Variants in SRL observed in about 807,000 individuals in gnomAD.
The protein encoded by SRL is sarcalumenin.
Under a neutral mutation model 39.5 loss-of-function variants are expected in SRL, and 23 were observed. That is an observed-to-expected ratio of 0.58 (90% CI 0.42 to 0.82). SRL has a LOEUF of 0.82. Among genes scored for constraint, SRL ranks in the 40% least tolerant of loss-of-function variants. The pLI, the probability that SRL is intolerant of heterozygous loss-of-function variation, is 0.00. For synonymous variants in SRL, 272 were observed against 237.4 expected (o/e 1.15, Z -1.34); for missense variants, 592 against 607.8 (o/e 0.97, Z 0.27).
intron 1 of SRL, among the ~76,000 whole-genome samples, chr16:4,209,422 C>T (rs1196415747): frequency 6.6e-6 from 1 of 152,186 alleles, no homozygotes; most frequent in Non-Finnish European, 1.5e-5. Flanking sequence ...GAGGCAGCCT[C>T]TGTTCTTCCT....
At chr16:4,228,604 G>A (rs564682626) in intron 1 of SRL, among the ~76,000 whole-genome samples, 111 of 151,852 alleles carry the variant, frequency 7.3e-4, no homozygotes, top group South Asian at 1.5e-3. Flanking sequence ...GCGTGGTGGC[G>A]GGCACCTGTA....
rs147849554 is a variant in SRL, at chr16:4,225,148, T to C, written c.61+16859A>G. On this transcript the variant is annotated intron_variant, in intron 1 of 5. Coordinates refer to ENST00000399609, the MANE Select transcript of SRL (RefSeq NM_001098814.2). ...GTGCTAAAGGGCCCAGAGCTTCTTTTTGAGGTGATAAAAAATGTTCTAAAA... is the reference window on the plus strand; with the variant it reads ...GTGCTAAAGGGCCCAGAGCTTCTTTCTGAGGTGATAAAAAATGTTCTAAAA... Among the ~76,000 whole-genome samples the C allele has an allele frequency of 1.8e-3, 237 of 130,842 alleles. 2 individuals carry two copies. Among genetic ancestry groups the C allele is most frequent in the African/African-American group, 6.2e-3 (224 of 35,914 alleles). 85.8% of individuals were successfully genotyped at this position (130,842 alleles called of 152,430 possible).
chr16:4,192,001 C>A lies in SRL; in HGVS notation c.*152G>T. 1.2e-6 allele frequency: 1 copy of A among 816,142 alleles called. No individual in the cohort carries two copies. Among genetic ancestry groups the A allele is most frequent in the Non-Finnish European group, 1.9e-6 (1 of 517,596 alleles). 50.6% of individuals were successfully genotyped at this position (816,142 alleles called of 1,614,324 possible). ...CCACTCTCCTCCCTAGACCCACACA[C>A]CTGCCCCGACCCCTGGCCTCAATGA... On this transcript the variant is annotated 3_prime_UTR_variant, in exon 6 of 6. Transcript: ENST00000399609. This position sits in a 1 kb window ranked among gnomAD's most constrained non-coding sequence, Gnocchi z 4.0.
chr16:4,215,237 G>A (rs546482361), intron 1 of SRL, among the ~76,000 whole-genome samples: 1 of 152,184 alleles, frequency 6.6e-6, no homozygotes, highest in Non-Finnish European at 1.5e-5. Flanking sequence ...CAACATGGGC[G>A]ACCAGAGTGC....
Position 4,214,860 on chromosome 16 carries a change from T to G in SRL, c.62-10226A>C, listed in dbSNP as rs532057042. Among the ~76,000 whole-genome samples, 3 of 152,040 alleles carry G rather than the reference T, an allele frequency of 2.0e-5. No individual in the cohort carries two copies. The East Asian group carries it at 5.8e-4, about 29-fold the overall frequency. Reference sequence around the variant, plus strand: ...TTGGCTCACTGCAACCTCTGCCTCCTGGGTTCAAGCGATTCTCCTGCCTCA... The same window carrying G: ...TTGGCTCACTGCAACCTCTGCCTCCGGGGTTCAAGCGATTCTCCTGCCTCA... On this transcript the variant is annotated intron_variant, in intron 1 of 5. Coordinates refer to ENST00000399609, the MANE Select transcript of SRL (RefSeq NM_001098814.2).
chr16:4,225,571 G>A (rs1418082699), intron 1 of SRL, among the ~76,000 whole-genome samples: 1 of 152,160 alleles, frequency 6.6e-6, no homozygotes, highest in East Asian at 1.9e-4. Flanking sequence ...GTGACAGAGT[G>A]AGACCCTGTC....
At chr16:4,221,087 C>T (rs1028248171) in intron 1 of SRL, among the ~76,000 whole-genome samples, 8 of 151,232 alleles carry the variant, frequency 5.3e-5, no homozygotes, top group African/African-American at 1.9e-4. Context: ...CTCACTTTGT[C>T]GCTCAGGCTG....
In SRL at chr16:4,203,182, C is replaced by T. The variant is rs547917688; in HGVS notation, c.243G>A (p.Arg81=). ...AAGCCCTACCTGTGATCTCATGCTG[C>T]CGGAGCTCATTGTACTTGTAGGACT... ...LEQSYKYNEL[R]QHEITDGEIT... Residue 81 remains arginine, a synonymous_variant, in exon 3 of 6, where the codon CGG becomes CGA. Transcript: ENST00000399609. 1.9e-4 allele frequency: 313 copies of T among 1,614,148 alleles called. 1 individual carries two copies. In the South Asian group the frequency reaches 2.5e-3, roughly 13 times the overall value.
intron 1 of SRL, among the ~76,000 whole-genome samples, chr16:4,231,320 A>G (rs2052658077): frequency 1.3e-5 from 2 of 152,190 alleles, no homozygotes; most frequent in Admixed American, 1.3e-4. Context: ...TGTCTCAAAA[A>G]AAACAATTGC....
intron 1 of SRL, among the ~76,000 whole-genome samples, chr16:4,215,015 G>A (rs111330577): frequency 0.031 from 4,740 of 152,112 alleles, 209 homozygotes; most frequent in African/African-American, 0.1. Flanking sequence ...TGATCCACCC[G>A]CCTCAGCCTC....
intron 1 of SRL, among the ~76,000 whole-genome samples, chr16:4,216,782 G>A (rs1190069525): frequency 1.3e-5 from 2 of 152,160 alleles, no homozygotes; most frequent in East Asian, 1.9e-4. Flanking sequence ...AAAGGGAAAG[G>A]AAGGGGAAAG....
chr16:4,215,619 G>A (rs1247663929), intron 1 of SRL, among the ~76,000 whole-genome samples: 1 of 152,194 alleles, frequency 6.6e-6, no homozygotes. Context: ...CAGTGGGCCA[G>A]CCAATAAGAG....
At position 4,197,906 on chromosome 16, in the gene SRL, A is replaced by G. The variant is rs1186286397; in HGVS notation, c.269T>C (p.Ile90Thr). Residue 90 changes from isoleucine to threonine, a missense_variant, in exon 4 of 6, where the codon ATT (isoleucine) becomes ACT (threonine). Transcript: ENST00000399609. ...LRQHEITDGE[I>T]TSKPMVLFLG... Reference sequence around the variant, plus strand: ...GAACAGTACCATGGGCTTGGAGGTAATCTCTCCATCTGTGGGCAACAGGAA... The same window carrying G: ...GAACAGTACCATGGGCTTGGAGGTAGTCTCTCCATCTGTGGGCAACAGGAA... The G allele has an allele frequency of 6.2e-7, 1 of 1,609,796 alleles. No homozygotes were observed. The highest frequency in any genetic ancestry group is 8.5e-7 in the Non-Finnish European group (1 of 1,176,028).
chr16:4,216,660 C>G (rs1340590995), intron 1 of SRL, among the ~76,000 whole-genome samples: 1 of 152,202 alleles, frequency 6.6e-6, no homozygotes, highest in Non-Finnish European at 1.5e-5. Flanking sequence ...AGCAGGGATA[C>G]TCTATAGAGC....
chr16:4,207,612 T>G (rs556812490), intron 1 of SRL: 108 of 444,394 alleles, frequency 2.4e-4, no homozygotes, highest in South Asian at 1.7e-3. Flanking sequence ...CTCCTGGACT[T>G]CCTCGGGGAG....
At chr16:4,214,470 C>T (rs113534358) in intron 1 of SRL, among the ~76,000 whole-genome samples, 3 of 152,340 alleles carry the variant, frequency 2.0e-5, no homozygotes, top group African/African-American at 7.2e-5. Context: ...GTTCATCTGT[C>T]CCAGAGAGTG....
chr16:4,199,693 CTTTTTTT>C (rs35631556), intron 3 of SRL, among the ~76,000 whole-genome samples: 1 of 96,424 alleles, frequency 1.0e-5, no homozygotes, highest in Non-Finnish European at 2.0e-5. Flanking sequence ...TTTTCTTTTC[CTTTTTTT>C]TTTTTTTTTT....
intron 2 of SRL, among the ~76,000 whole-genome samples, chr16:4,204,141 C>T (rs2052278615): frequency 6.6e-6 from 1 of 152,238 alleles, no homozygotes; most frequent in Non-Finnish European, 1.5e-5. Context: ...ACAAGCCCTG[C>T]TGCAATCCTT....
In SRL at chr16:4,190,203, A is replaced by G. The variant is rs1055875627; in HGVS notation, c.*1950T>C. 1 of 398,338 alleles carries G rather than the reference A, an allele frequency of 2.5e-6. No individual in the cohort carries two copies. Among genetic ancestry groups the G allele is most frequent in the African/African-American group, 2.1e-5 (1 of 48,628 alleles). The allele number at this position is 398,338 out of a possible 1,614,324, so 24.7% of individuals were successfully genotyped here. On this transcript the variant is annotated 3_prime_UTR_variant, in exon 6 of 6. Transcript: ENST00000399609. ...GACAGCATGCACCAGAGTGATAACA[A>G]TTCTGAGAACCGGGAATTCCTAACT...
Sources: gnomAD v4.1 joint callset for allele counts (sites outside exome capture counted in the v4.1 genomes callset) on GRCh38, gnomAD v4.1.1 for gene constraint, Gnocchi (gnomAD v3.1) non-coding constraint, MANE v1.5 for transcripts, NCBI Gene and HGNC (gene_info 2026-07-23, HGNC 2026-07-21) for gene names.